SLC2A8: variants seen among roughly 807,000 people sequenced by gnomAD.
The protein encoded by SLC2A8 is solute carrier family 2, facilitated glucose transporter member 8.
In SLC2A8, 53 loss-of-function variants were observed where a neutral mutation model predicts 49.2. The observed-to-expected ratio is 1.08, with a 90% CI of 0.86 to 1.35. The LOEUF (loss-of-function observed/expected upper bound fraction) is 1.35. Ranked by LOEUF, SLC2A8 falls within the 40% of genes most tolerant of loss-of-function variation. SLC2A8 has a pLI of 0.00. For missense variants in SLC2A8, 688 were observed against 671.7 expected (o/e 1.02, Z -0.27); for synonymous variants, 299 against 297.0 (o/e 1.01, Z -0.07).
intron 9 of SLC2A8, among the ~76,000 whole-genome samples, 196 bp from the exon 10 acceptor site, chr9:127,406,916 C>T (rs1362693439): frequency 2.0e-5 from 3 of 152,206 alleles, no homozygotes; most frequent in Admixed American, 1.3e-4. Context: ...GGACAGTGCT[C>T]GGCCCAAGCC....
chr9:127,404,763 T>C, intron 7 of SLC2A8, 55 bp from the exon 8 acceptor site: 2 of 1,560,078 alleles, frequency 1.3e-6, no homozygotes, highest in Non-Finnish European at 1.7e-6. Context: ...GCCATGCTGC[T>C]GCGCCCTGGG....
chr9:127,403,958 G>A lies in SLC2A8; in HGVS notation c.868-1G>A. 1 of 1,611,132 alleles carries A rather than the reference G, an allele frequency of 6.2e-7. No individual in the cohort carries two copies. Among genetic ancestry groups the A allele is most frequent in the Non-Finnish European group, 8.5e-7 (1 of 1,178,558 alleles). On this transcript the variant is annotated splice_acceptor_variant, in intron 6 of 9. Transcript: ENST00000373371. LOFTEE classifies it high-confidence loss of function. Reference sequence around the variant, plus strand: ...ACCTGCCTGGGCTCTGTCTCCCCCAGGACAGCAGCCTGGCCTCGGTCGTCG... The same window carrying A: ...ACCTGCCTGGGCTCTGTCTCCCCCAAGACAGCAGCCTGGCCTCGGTCGTCG...
intron 3 of SLC2A8, chr9:127,398,408 A>C (rs1472755280): frequency 7.7e-5 from 56 of 730,616 alleles, no homozygotes; most frequent in Non-Finnish European, 4.1e-5. Flanking sequence ...GGGTTGTCCC[A>C]CTTAGCCGTG....
Position 127,399,806 on chromosome 9 carries a change from C to T in SLC2A8, c.427-101C>T. 1.1e-6 allele frequency: 1 copy of T among 950,876 alleles called. No individual in the cohort carries two copies. Among genetic ancestry groups the T allele is most frequent in the Non-Finnish European group, 1.6e-6 (1 of 607,230 alleles). The allele number at this position is 950,876 out of a possible 1,614,324, so 58.9% of individuals were successfully genotyped here. A position where few individuals can be genotyped will look rare whatever the true frequency, so the allele number is the denominator to read the frequency against. ...CTGTTGGTCAGGCCAGTCTCAAACT[C>T]CCAACCTCTGGTGATCTGCCCGCCT... is the stretch of plus-strand genomic sequence containing the variant. On this transcript the variant is annotated intron_variant, in intron 3 of 9. Transcript: ENST00000373371. This position sits in a 1 kb window ranked among gnomAD's most constrained non-coding sequence, Gnocchi z 4.2.
In SLC2A8 at chr9:127,404,053, T is replaced by C; in HGVS notation, c.962T>C (p.Leu321Pro). ...LIMDRAGRRL[L>P]LVLSGVVMVF... ...ATGGACAGAGCAGGGCGGAGGCTGC[T>C]CCTGGTCTTGTCAGGTGAGGGTTCA... is the stretch of plus-strand genomic sequence containing the variant. The change falls in exon 7 of 10, where the codon CTC becomes CCC. Residue 321 changes from leucine to proline, a missense_variant. Transcript: ENST00000373371. The C allele has an allele frequency of 6.3e-7, 1 of 1,595,906 alleles. No individual in the cohort carries two copies.
intron 8 of SLC2A8, 58 bp from the exon 9 acceptor site, chr9:127,405,362 G>A (rs1833453117): frequency 6.3e-7 from 1 of 1,583,056 alleles, no homozygotes; most frequent in South Asian, 1.1e-5. Flanking sequence ...TCTGCAGCAA[G>A]CTGAGGAGCC....
Position 127,407,374 on chromosome 9 carries a change from TC to T in SLC2A8, c.*127del. 1.6e-6 allele frequency: 2 copies of T among 1,215,664 alleles called. No individual in the cohort carries two copies. The highest frequency in any genetic ancestry group is 3.5e-5 in the Admixed American group (2 of 56,348). 75.3% of individuals were successfully genotyped at this position (1,215,664 alleles called of 1,614,324 possible). A position where few individuals can be genotyped will look rare whatever the true frequency, so the allele number is the denominator to read the frequency against. Reference sequence around the variant, plus strand: ...AGCCTTGGTCTGCAGGGTCCCTCCTTCCTGTCATGCTCCCTCCAGCCCATGA... The same window carrying T: ...AGCCTTGGTCTGCAGGGTCCCTCCTTCTGTCATGCTCCCTCCAGCCCATGA... On this transcript the variant is annotated 3_prime_UTR_variant, in exon 10 of 10. Coordinates refer to ENST00000373371, the MANE Select transcript of SLC2A8 (RefSeq NM_014580.5).
intron 2 of SLC2A8, 119 bp downstream of exon 2, chr9:127,397,657 C>T: frequency 7.8e-7 from 1 of 1,290,236 alleles, no homozygotes; most frequent in Non-Finnish European, 1.0e-6. Flanking sequence ...CCCGCCGCCA[C>T]CACCTTTCCC....
At chr9:127,398,223 G>T in intron 3 of SLC2A8, 112 bp downstream of exon 3, 1 of 1,158,380 alleles carries the variant, frequency 8.6e-7, no homozygotes, top group Middle Eastern at 1.9e-4. Context: ...GACCTTCTGG[G>T]TGCCAGGCTT....
chr9:127,403,730 C>T lies in SLC2A8; in HGVS notation c.794C>T (p.Ala265Val). ...TTCATCATCGGCGTCTCCCTGATGG[C>T]CTTCCAGCAGCTGTCGGGGGTCAAC... is the stretch of plus-strand genomic sequence containing the variant. ...KPFIIGVSLMAFQQLSGVNAV... is the reference protein window; with the variant it reads ...KPFIIGVSLMVFQQLSGVNAV... Residue 265 changes from alanine (A) to valine (V), a missense_variant, in exon 6 of 10, where the codon GCC becomes GTC. By Grantham distance (64) the Ala-to-Val change is moderately conservative (BLOSUM62 0). Transcript: ENST00000373371. The T allele has an allele frequency of 2.5e-6, 4 of 1,613,244 alleles. No homozygotes were observed. In the South Asian group the frequency reaches 4.4e-5, roughly 18 times the overall value.
chr9:127,402,381 C>T (rs1242590136), intron 4 of SLC2A8, 176 bp from the exon 5 acceptor site: 7 of 997,518 alleles, frequency 7.0e-6, no homozygotes, highest in African/African-American at 6.5e-5. Context: ...GTGTGATTGG[C>T]CCGTGCCATG....
At chr9:127,397,307 GC>G in intron 1 of SLC2A8, 21 bp downstream of exon 1, 1 of 1,381,018 alleles carries the variant, frequency 7.2e-7, no homozygotes, top group Non-Finnish European at 9.3e-7. Context: ...GGGAACCCGG[GC>G]CCGGATGCGG....
Position 127,397,459 on chromosome 9 carries a change from G to A in SLC2A8, c.140G>A (p.Ser47Asn). The A allele has an allele frequency of 6.7e-7, 1 of 1,487,548 alleles. No homozygotes were observed. The highest frequency in any genetic ancestry group is 8.9e-7 in the Non-Finnish European group (1 of 1,127,252). 92.1% of individuals were successfully genotyped at this position (1,487,548 alleles called of 1,614,324 possible). The change falls in exon 2 of 10, where the codon AGC becomes AAC. Residue 47 changes from serine to asparagine, a missense_variant. Physicochemically the swap from Ser to Asn is conservative, Grantham distance 46. Coordinates refer to ENST00000373371, the MANE Select transcript of SLC2A8 (RefSeq NM_014580.5). ...AGCTTCGGCTTCGCGCTCGGCTACA[G>A]CTCCCCGGCCATCCCTAGCCTGCAG... ...PLSFGFALGY[S>N]SPAIPSLQRA...
At position 127,397,205 on chromosome 9, in the gene SLC2A8, C is replaced by T; in HGVS notation, c.-26C>T. ...GCCCGTGGCGGTTCAGGCGCCAGAGCTGGCCGATCGGCGTTGGCCGCCGAC... is the reference window on the plus strand; with the variant it reads ...GCCCGTGGCGGTTCAGGCGCCAGAGTTGGCCGATCGGCGTTGGCCGCCGAC... On this transcript the variant is annotated 5_prime_UTR_variant, in exon 1 of 10. Transcript: ENST00000373371. 1 of 1,454,710 alleles carries T rather than the reference C, an allele frequency of 6.9e-7. No individual in the cohort carries two copies. The allele number at this position is 1,454,710 out of a possible 1,614,324, so 90.1% of individuals were successfully genotyped here.
chr9:127,404,477 CGTGA>C, intron 7 of SLC2A8: 5 of 360,568 alleles, frequency 1.4e-5, no homozygotes, highest in South Asian at 4.3e-5. Flanking sequence ...AGGTGATCCA[CGTGA>C]GGCCTTCAGC....
chr9:127,405,083 C>A, intron 8 of SLC2A8, 92 bp downstream of exon 8: 1 of 1,327,524 alleles, frequency 7.5e-7, no homozygotes, highest in Non-Finnish European at 1.0e-6. Context: ...TCTTCCCCAG[C>A]CTCACCTCTC....
chr9:127,404,019 G>C lies in SLC2A8; in HGVS notation c.928G>C (p.Ala310Pro). 6.2e-7 allele frequency: 1 copy of C among 1,607,022 alleles called. No individual in the cohort carries two copies. Among genetic ancestry groups the C allele is most frequent in the East Asian group, 2.2e-5 (1 of 44,628 alleles). Residue 310 changes from alanine (A) to proline (P), a missense_variant, in exon 7 of 10, where the codon GCT becomes CCT. Physicochemically the swap from Ala to Pro is conservative, Grantham distance 27. Transcript: ENST00000373371. ...CCAGGTGCTGTTCACAGCTGTGGCG[G>C]CTCTCATCATGGACAGAGCAGGGCG... is the stretch of plus-strand genomic sequence containing the variant. Reference protein sequence around the residue: ...VIQVLFTAVAALIMDRAGRRL... With the variant: ...VIQVLFTAVAPLIMDRAGRRL...
At position 127,404,921 on chromosome 9, in the gene SLC2A8, T is replaced by G. The variant is rs1321923090; in HGVS notation, c.1080T>G (p.Ser360=). ...ACGTGGCCATCTCGGCGCCTGTCTCTGCACAGCCTGTTGATGCCAGCGTGG... is the reference window on the plus strand; with the variant it reads ...ACGTGGCCATCTCGGCGCCTGTCTCGGCACAGCCTGTTGATGCCAGCGTGG... ...SSHVAISAPV[S]AQPVDASVGL... The change falls in exon 8 of 10, where the codon TCT becomes TCG. Residue 360 remains serine, a synonymous_variant. Transcript: ENST00000373371. The G allele has an allele frequency of 1.9e-6, 3 of 1,612,464 alleles. No individual in the cohort carries two copies. The highest frequency in any genetic ancestry group is 1.3e-5 in the African/African-American group (1 of 75,066).
At position 127,397,360 on chromosome 9, in the gene SLC2A8, G is replaced by C. The variant is rs1476255248; in HGVS notation, c.57-16G>C. 1.4e-6 allele frequency: 2 copies of C among 1,447,444 alleles called. 1 individual carries two copies. The highest frequency in any genetic ancestry group is 2.7e-5 in the South Asian group (2 of 72,840). The allele number at this position is 1,447,444 out of a possible 1,614,324, so 89.7% of individuals were successfully genotyped here. A position where few individuals can be genotyped will look rare whatever the true frequency, so the allele number is the denominator to read the frequency against. The stretch of plus-strand genomic sequence containing the variant: ...CTCCGCGTCCGCTCCGCTCACCCTC[G>C]GCCCTGTCCCCCCAGCGCGCCCCGC... On this transcript the variant is annotated splice_polypyrimidine_tract_variant and intron_variant, in intron 1 of 9. Coordinates refer to ENST00000373371, the MANE Select transcript of SLC2A8 (RefSeq NM_014580.5).
Sources: gnomAD v4.1 joint callset for allele counts (sites outside exome capture counted in the v4.1 genomes callset) on GRCh38, gnomAD v4.1.1 for gene constraint, Gnocchi (gnomAD v3.1) non-coding constraint, MANE v1.5 for transcripts, NCBI Gene and HGNC (gene_info 2026-07-23, HGNC 2026-07-21) for gene names.